Variants in LASP1 observed in about 807,000 individuals in gnomAD.
LASP1 encodes LIM and SH3 protein 1.
LASP1 carries 10 observed loss-of-function variants against 38.6 expected under a neutral mutation model. The observed-to-expected ratio is 0.26, with a 90% CI of 0.16 to 0.44. The LOEUF (loss-of-function observed/expected upper bound fraction) is 0.44. Among genes scored for constraint, LASP1 ranks in the 20% least tolerant of loss-of-function variants. LASP1 has a pLI of 1.00. For missense variants in LASP1, 243 were observed against 375.7 expected (o/e 0.65, Z 2.92); for synonymous variants, 132 against 140.8 (o/e 0.94, Z 0.44).
At position 38,919,800 on chromosome 17, in the gene LASP1, C is replaced by T. The variant is rs1915247283; in HGVS notation, c.*1022C>T. ...TGGAGCTGCACAAAGTCAGCAGGGACCACTAAATCTCCAAGACCTGGTGTG... is the reference window on the plus strand; with the variant it reads ...TGGAGCTGCACAAAGTCAGCAGGGATCACTAAATCTCCAAGACCTGGTGTG... On this transcript the variant is annotated 3_prime_UTR_variant, in exon 7 of 7. Coordinates refer to ENST00000318008, the MANE Select transcript of LASP1 (RefSeq NM_006148.4). The T allele has an allele frequency of 2.3e-6, 1 of 435,628 alleles. No homozygotes were observed. The highest frequency in any genetic ancestry group is 4.0e-5 in the East Asian group (1 of 24,876). The allele number at this position is 435,628 out of a possible 1,614,324, so 27.0% of individuals were successfully genotyped here. A position where few individuals can be genotyped will look rare whatever the true frequency, so the allele number is the denominator to read the frequency against.
At chr17:38,902,215 C>T (rs1237926244) in intron 4 of LASP1, among the ~76,000 whole-genome samples, 2 of 151,972 alleles carry the variant, frequency 1.3e-5, no homozygotes, top group Non-Finnish European at 2.9e-5. Flanking sequence ...TGTGCACCAC[C>T]ATGCCCAGCT....
intron 2 of LASP1, 150 bp downstream of exon 2, chr17:38,878,330 A>C: frequency 1.6e-6 from 1 of 615,558 alleles, no homozygotes; most frequent in Non-Finnish European, 2.9e-6. Context: ...CAACAGCTGA[A>C]TGAAGCAAGC....
At chr17:38,873,366 TTCACAGCAGCC>T (rs1913664729) in intron 1 of LASP1, among the ~76,000 whole-genome samples, 1 of 152,184 alleles carries the variant, frequency 6.6e-6, no homozygotes, top group Non-Finnish European at 1.5e-5. Context: ...GGGCTCAGTC[TTCACAGCAGCC>T]TCACAAAGTA....
At chr17:38,889,075 G>C (rs1567698131) in intron 2 of LASP1, among the ~76,000 whole-genome samples, 2 of 152,220 alleles carry the variant, frequency 1.3e-5, no homozygotes, top group African/African-American at 4.8e-5. Context: ...CGGTGAACTA[G>C]GGCACATAAG....
In LASP1 at chr17:38,918,643, C is replaced by T. The variant is rs910068298; in HGVS notation, c.651C>T (p.Asp217=). 28 of 1,611,278 alleles carry T rather than the reference C, an allele frequency of 1.7e-5. 1 individual carries two copies. The highest frequency in any genetic ancestry group is 5.3e-5 in the African/African-American group (4 of 74,878). ...YRAVYDYSAA[D]EDEVSFQDGD... Reference sequence around the variant, plus strand: ...CGGTGTATGACTACAGCGCCGCCGACGAGGACGAGGTCTCCTTCCAGGACG... The same window carrying T: ...CGGTGTATGACTACAGCGCCGCCGATGAGGACGAGGTCTCCTTCCAGGACG... Residue 217 remains aspartate, a synonymous_variant, in exon 7 of 7, where the codon GAC becomes GAT. Transcript: ENST00000318008. The surrounding 1 kb of genome is among the most constrained non-coding windows in gnomAD (Gnocchi z 4.4).
At chr17:38,897,053 G>A (rs1180086291) in intron 3 of LASP1, 123 of 985,426 alleles carry the variant, frequency 1.2e-4, no homozygotes, top group Non-Finnish European at 1.3e-4. Flanking sequence ...TTCCAGGACT[G>A]AGGAAGAGCT....
chr17:38,892,715 G>A (rs1340576696), intron 3 of LASP1, among the ~76,000 whole-genome samples: 9 of 152,322 alleles, frequency 5.9e-5, no homozygotes, highest in East Asian at 1.9e-4. Flanking sequence ...GCACCTCCAC[G>A]TTGTTCCCCC....
rs531976255 is a variant in LASP1, at chr17:38,898,949, C to G, written c.357+430C>G. On this transcript the variant is annotated intron_variant, in intron 4 of 6. Coordinates refer to ENST00000318008, the MANE Select transcript of LASP1 (RefSeq NM_006148.4). ...TCCGCCCTTCCTTGGCCTCCTCCCC[C>G]ACATCAGCCTGCTCTTCCTTCCTGT... 6 of 359,310 alleles carry G rather than the reference C, an allele frequency of 1.7e-5. No homozygotes were observed. The East Asian group carries it at 2.9e-4, about 18-fold the overall frequency. The allele number at this position is 359,310 out of a possible 1,614,324, so 22.3% of individuals were successfully genotyped here.
At chr17:38,892,979 G>C (rs191985438) in intron 3 of LASP1, among the ~76,000 whole-genome samples, 4 of 147,638 alleles carry the variant, frequency 2.7e-5, no homozygotes, top group Non-Finnish European at 6.1e-5. Context: ...GTGTGCGTGT[G>C]CACGCATGCA....
intron 2 of LASP1, among the ~76,000 whole-genome samples, chr17:38,879,857 C>G (rs1019670224): frequency 1.3e-5 from 2 of 152,150 alleles, no homozygotes; most frequent in Non-Finnish European, 2.9e-5. Flanking sequence ...ATAAAAATCT[C>G]AAGCCCAAGA....
chr17:38,918,756 C>G lies in LASP1; in HGVS notation c.764C>G (p.Ala255Gly). 6.2e-7 allele frequency: 1 copy of G among 1,613,944 alleles called. No homozygotes were observed. Among genetic ancestry groups the G allele is most frequent in the Non-Finnish European group, 8.5e-7 (1 of 1,180,004 alleles). ...ERTGDTGMLP[A>G]NYVEAI ...ACCGGCGACACGGGGATGCTGCCGG[C>G]CAACTACGTGGAGGCCATCTGAACC... Residue 255 changes from alanine to glycine, a missense_variant, in exon 7 of 7, where the codon GCC becomes GGC. By Grantham distance (60) the Ala-to-Gly change is moderately conservative (BLOSUM62 0). Transcript: ENST00000318008. This position sits in a 1 kb window ranked among gnomAD's most constrained non-coding sequence, Gnocchi z 4.4.
chr17:38,898,319 G>A, intron 3 of LASP1, 93 bp from the exon 4 acceptor site: 2 of 715,598 alleles, frequency 2.8e-6, no homozygotes, highest in Non-Finnish European at 4.7e-6. Flanking sequence ...CCCTGTCCCT[G>A]TCTCCTGACT....
At chr17:38,912,090 G>A (rs543251430) in intron 4 of LASP1, among the ~76,000 whole-genome samples, 8 of 152,284 alleles carry the variant, frequency 5.3e-5, no homozygotes, top group African/African-American at 9.6e-5. Context: ...CACCGTGCTC[G>A]GCCTCACCAC....
chr17:38,889,811 C>G (rs1461804279), intron 2 of LASP1, among the ~76,000 whole-genome samples: 1 of 152,154 alleles, frequency 6.6e-6, no homozygotes, highest in African/African-American at 2.4e-5. Context: ...CTCAGGTGAC[C>G]TCCTTTTTTG....
At chr17:38,913,822 T>G (rs1301448608) in intron 4 of LASP1, among the ~76,000 whole-genome samples, 4 of 134,208 alleles carry the variant, frequency 3.0e-5, no homozygotes, top group African/African-American at 1.2e-4. Context: ...GTCAACATGA[T>G]GAAACCCTGT....
rs1004934322 is a variant in LASP1, at chr17:38,890,346, A to G, written c.165-74A>G. 11 of 1,388,244 alleles carry G rather than the reference A, an allele frequency of 7.9e-6. No homozygotes were observed. The Admixed American group carries it at 1.4e-4, about 17-fold the overall frequency. The allele number at this position is 1,388,244 out of a possible 1,614,324, so 86.0% of individuals were successfully genotyped here. On this transcript the variant is annotated intron_variant, in intron 2 of 6. Transcript: ENST00000318008. ...CATAGGACGAAGTTCCCAGGAGGGCATGCTCTGTGAGAAGCCCAGAGGCTC... is the reference window on the plus strand; with the variant it reads ...CATAGGACGAAGTTCCCAGGAGGGCGTGCTCTGTGAGAAGCCCAGAGGCTC...
At chr17:38,912,499 G>C (rs1914985389) in intron 4 of LASP1, among the ~76,000 whole-genome samples, 2 of 152,108 alleles carry the variant, frequency 1.3e-5, no homozygotes, top group Admixed American at 6.5e-5. Context: ...GTTGCCACAG[G>C]GTCAGGGTGC....
In LASP1 at chr17:38,898,460, G is replaced by A. The variant is rs1226333009; in HGVS notation, c.298G>A (p.Val100Ile). 23 of 1,551,674 alleles carry A rather than the reference G, an allele frequency of 1.5e-5. No individual in the cohort carries two copies. Among genetic ancestry groups the A allele is most frequent in the African/African-American group, 2.7e-5 (2 of 73,174 alleles). Residue 100 changes from valine (V) to isoleucine (I), a missense_variant, in exon 4 of 7, where the codon GTA (valine) becomes ATA (isoleucine). Physicochemically the swap from Val to Ile is conservative, Grantham distance 29. Around this residue, in one of 4 missense-constraint regions of LASP1, gnomAD observed 33 missense variants for 39.8 expected, o/e 0.83. Transcript: ENST00000318008. ...FEKNKGKGFSVVADTPELQRI... is the reference protein window; with the variant it reads ...FEKNKGKGFSIVADTPELQRI... ...GAAGAACAAGGGCAAAGGTTTCAGC[G>A]TAGTGGCAGACACGCCCGAGCTCCA...
intron 1 of LASP1, among the ~76,000 whole-genome samples, chr17:38,875,056 C>CGTGTGTGTGTGTGT (rs3220064): frequency 0.015 from 2,167 of 140,342 alleles, 54 homozygotes; most frequent in African/African-American, 0.049. Flanking sequence ...TGTAGCCCTT[C>CGTGTGTGTGTGTGT]GTGTGTGTGT....
Sources: allele counts gnomAD v4.1 joint callset (sites outside exome capture counted in the v4.1 genomes callset), GRCh38; gene constraint gnomAD v4.1.1; regional missense constraint gnomAD v4.1.1; non-coding constraint Gnocchi (gnomAD v3.1); transcripts MANE v1.5; gene names NCBI Gene and HGNC (gene_info 2026-07-23, HGNC 2026-07-21).